Variants in MCPH1 observed in about 807,000 individuals in gnomAD.
The protein encoded by MCPH1 is microcephalin 1.
A neutral mutation model predicts 84.5 loss-of-function variants in MCPH1; 104 were observed. That is an observed-to-expected ratio of 1.23 (90% CI 1.05 to 1.45). The LOEUF (loss-of-function observed/expected upper bound fraction) is 1.45, where lower values mean the gene tolerates loss of function less well. Among genes scored for constraint, MCPH1 ranks in the 40% most tolerant of loss-of-function variants. The probability of loss-of-function intolerance (pLI) is 0.00; values close to 1 mark genes in which losing one functional copy is unlikely to be tolerated. For synonymous variants in MCPH1, 514 were observed against 366.8 expected, an observed-to-expected ratio of 1.40 and a Z score of -4.58; for missense variants, 1,498 against 1,005.7, an observed-to-expected ratio of 1.49 and a Z score of -6.62.
intron 12 of MCPH1, among the ~76,000 whole-genome samples, chr8:6,531,853 T>C (rs1819581815): frequency 6.6e-6 from 1 of 152,200 alleles, no homozygotes; most frequent in African/African-American, 2.4e-5. Flanking sequence ...CTTGTCTCCT[T>C]CTCCATAAAC....
chr8:6,541,539 C>T (rs946708798), intron 12 of MCPH1, among the ~76,000 whole-genome samples: 2 of 152,124 alleles, frequency 1.3e-5, no homozygotes, highest in East Asian at 1.9e-4. Flanking sequence ...AGCAGCAGAG[C>T]GAATGCGGAG....
At chr8:6,530,208 G>T (rs1344902266) in intron 12 of MCPH1, among the ~76,000 whole-genome samples, 2 of 151,936 alleles carry the variant, frequency 1.3e-5, no homozygotes, top group Non-Finnish European at 2.9e-5. Flanking sequence ...GTGCAATTTT[G>T]CCATTGAAAG....
chr8:6,499,552 A>AT (rs1811741595), intron 11 of MCPH1: 2 of 166,856 alleles, frequency 1.2e-5, no homozygotes, highest in South Asian at 3.7e-4. Flanking sequence ...TGGAATTAAA[A>AT]ATATATATAT....
chr8:6,581,812 A>G (rs1827588412), intron 12 of MCPH1, among the ~76,000 whole-genome samples: 1 of 152,194 alleles, frequency 6.6e-6, no homozygotes, highest in Non-Finnish European at 1.5e-5. Flanking sequence ...GAAGTCCAAT[A>G]TCCAGGCAGA....
At chr8:6,478,084 C>T (rs534944001) in intron 10 of MCPH1, among the ~76,000 whole-genome samples, 2 of 152,322 alleles carry the variant, frequency 1.3e-5, no homozygotes, top group East Asian at 3.9e-4. Flanking sequence ...CAACAAAGAA[C>T]ATCCAACAAA....
intron 12 of MCPH1, chr8:6,617,277 G>GTTTTTTTTTTTTT (rs71213326): frequency 5.2e-5 from 6 of 114,640 alleles, no homozygotes; most frequent in East Asian, 2.7e-4. Flanking sequence ...TGTTTTTTTT[G>GTTTTTTTTTTTTT]TTTTTTTTTT....
chr8:6,485,048 G>A (rs111432650), intron 11 of MCPH1, among the ~76,000 whole-genome samples: 3,180 of 152,174 alleles, frequency 0.021, 109 homozygotes, highest in African/African-American at 0.073. Context: ...ATATCTAGGC[G>A]GGGTGCAGTG....
chr8:6,566,777 C>A (rs1236217040), intron 12 of MCPH1, among the ~76,000 whole-genome samples: 1 of 114,962 alleles, frequency 8.7e-6, no homozygotes, highest in Non-Finnish European at 1.8e-5. Flanking sequence ...GCATGACCAT[C>A]GACAGTGCTT....
chr8:6,544,721 T>C (rs539682735), intron 12 of MCPH1, among the ~76,000 whole-genome samples: 1 of 152,290 alleles, frequency 6.6e-6, no homozygotes, highest in South Asian at 2.1e-4. Context: ...AAGAAGGAAT[T>C]CATTAAGATA....
intron 12 of MCPH1, among the ~76,000 whole-genome samples, chr8:6,601,768 C>T (rs1182212874): frequency 6.6e-6 from 1 of 150,922 alleles, no homozygotes; most frequent in African/African-American, 2.4e-5. Flanking sequence ...CACACACACA[C>T]CCAATCACGT....
intron 12 of MCPH1, among the ~76,000 whole-genome samples, chr8:6,595,268 C>G (rs1215259880): frequency 2.0e-5 from 3 of 152,122 alleles, no homozygotes; most frequent in Non-Finnish European, 4.4e-5. Flanking sequence ...GCAGAGGAGA[C>G]ACACAGGAAT....
intron 9 of MCPH1, among the ~76,000 whole-genome samples, chr8:6,470,324 C>A (rs1427910544): frequency 6.6e-6 from 1 of 152,056 alleles, no homozygotes; most frequent in Non-Finnish European, 1.5e-5. Flanking sequence ...CGCTCTGTCA[C>A]CCAGGCTGGA....
At chr8:6,612,172 A>G (rs184824618) in intron 12 of MCPH1, among the ~76,000 whole-genome samples, 3 of 152,176 alleles carry the variant, frequency 2.0e-5, no homozygotes, top group African/African-American at 7.2e-5. Context: ...CCAAGGGTTT[A>G]GGGGCTCACT....
intron 12 of MCPH1, among the ~76,000 whole-genome samples, chr8:6,535,814 G>C (rs1366861184): frequency 6.6e-6 from 1 of 151,972 alleles, no homozygotes; most frequent in Admixed American, 6.6e-5. Context: ...TTGGGAGGCC[G>C]AGGCAGGAGG....
intron 6 of MCPH1, among the ~76,000 whole-genome samples, chr8:6,439,404 T>G (rs1803163313): frequency 6.6e-6 from 1 of 151,290 alleles, no homozygotes; most frequent in Admixed American, 6.6e-5. Flanking sequence ...TTTTTTTTTT[T>G]TCTGAGATGG....
chr8:6,541,613 T>C (rs1362893854), intron 12 of MCPH1, among the ~76,000 whole-genome samples: 1 of 152,190 alleles, frequency 6.6e-6, no homozygotes, highest in East Asian at 1.9e-4. Context: ...CGTCTATTTT[T>C]TGGGATACTT....
chr8:6,418,851 A>T (rs1356475637), intron 3 of MCPH1, among the ~76,000 whole-genome samples: 3 of 152,086 alleles, frequency 2.0e-5, no homozygotes, highest in East Asian at 3.9e-4. Flanking sequence ...AAGTACTGGG[A>T]TTGTAGGCGT....
intron 13 of MCPH1, among the ~76,000 whole-genome samples, chr8:6,631,176 G>A (rs1006872934): frequency 6.6e-6 from 1 of 152,334 alleles, no homozygotes; most frequent in Middle Eastern, 3.4e-3. Flanking sequence ...GCAGGGAGCA[G>A]ACCAGACATG....
chr8:6,446,591 A>G lies in MCPH1; in HGVS notation c.1825+1044A>G, dbSNP rs956018265. On this transcript the variant is annotated intron_variant, in intron 8 of 13. Coordinates refer to ENST00000344683, the MANE Select transcript of MCPH1 (RefSeq NM_024596.5). ...TATTTTATGTTCCATTAGCCTTAGTATGTGTTTTCAAAATATTTATTTTAA... is the reference window on the plus strand; with the variant it reads ...TATTTTATGTTCCATTAGCCTTAGTGTGTGTTTTCAAAATATTTATTTTAA... The G allele has an allele frequency of 1.4e-5, 14 of 980,044 alleles. No individual in the cohort carries two copies. In the African/African-American group the frequency reaches 1.6e-4, roughly 11 times the overall value. 60.7% of individuals were successfully genotyped at this position (980,044 alleles called of 1,614,324 possible).
Sources: allele counts gnomAD v4.1 joint callset (sites outside exome capture counted in the v4.1 genomes callset), GRCh38; gene constraint gnomAD v4.1.1; transcripts MANE v1.5; gene names NCBI Gene and HGNC (gene_info 2026-07-23, HGNC 2026-07-21).